Variants in SIRT1 observed in about 807,000 individuals in gnomAD.
SIRT1 encodes sirtuin 1.
In SIRT1, 24 loss-of-function variants were observed where a neutral mutation model predicts 67.9. The ratio of observed to expected loss-of-function variants is 0.35; its 90% CI spans 0.26 to 0.50. SIRT1 has a LOEUF of 0.50. SIRT1 is among the 20% of genes least tolerant of loss of function. The pLI is 0.98. For synonymous variants in SIRT1, 378 were observed against 350.7 expected (o/e 1.08, Z -0.87); for missense variants, 873 against 937.2 (o/e 0.93, Z 0.89).
At chr10:67,909,200 C>G in intron 6 of SIRT1, 56 bp from the exon 7 acceptor site, 2 of 1,211,058 alleles carry the variant, frequency 1.7e-6, no homozygotes, top group South Asian at 3.2e-5. Context: ...TTGACTATTT[C>G]TAACTTGGGC....
chr10:67,911,059 A>G (rs10823112), intron 7 of SIRT1, among the ~76,000 whole-genome samples: 11,489 of 152,256 alleles, frequency 0.075, 715 homozygotes, highest in East Asian at 0.3. Flanking sequence ...GTCTTACCTA[A>G]TTAGCTGTGA....
At chr10:67,897,663 A>G (rs540668344) in intron 4 of SIRT1, among the ~76,000 whole-genome samples, 104 of 151,582 alleles carry the variant, frequency 6.9e-4, no homozygotes, top group Non-Finnish European at 1.3e-3. Flanking sequence ...TGCCTAGCCA[A>G]TTTTTTGAAT....
At chr10:67,895,766 A>G (rs1485313618) in intron 4 of SIRT1, among the ~76,000 whole-genome samples, 13 of 52,342 alleles carry the variant, frequency 2.5e-4, no homozygotes, top group African/African-American at 9.1e-4. Context: ...TTTTTGAGAC[A>G]GTTTTGCTCT....
chr10:67,915,145 C>G (rs1393351091), intron 8 of SIRT1, among the ~76,000 whole-genome samples: 1 of 152,026 alleles, frequency 6.6e-6, no homozygotes, highest in Admixed American at 6.6e-5. Context: ...AGAGTTGTCA[C>G]ACAGGTTGTA....
rs975538254 is a variant in SIRT1 at position 67,898,610 on chromosome 10, T to C, written c.942+7056T>C. Among the ~76,000 whole-genome samples the C allele has an allele frequency of 2.6e-5, 4 of 152,256 alleles. No homozygotes were observed. The East Asian group carries it at 5.8e-4, about 22-fold the overall frequency. ...GAAAATAATGTTTTAATACTCAACA[T>C]GTATATGGATTATATATCTATACGT... On this transcript the variant is annotated intron_variant, in intron 4 of 8. Coordinates refer to ENST00000212015, the MANE Select transcript of SIRT1 (RefSeq NM_012238.5).
At chr10:67,891,591 T>A in intron 4 of SIRT1, 37 bp downstream of exon 4, 1 of 1,604,740 alleles carries the variant, frequency 6.2e-7, no homozygotes, top group Non-Finnish European at 8.5e-7. Flanking sequence ...TTTGGCCTTC[T>A]CTCATGAAAA....
intron 8 of SIRT1, among the ~76,000 whole-genome samples, chr10:67,915,266 G>A (rs191113314): frequency 4.7e-4 from 71 of 152,252 alleles, no homozygotes; most frequent in African/African-American, 1.6e-3. Context: ...TTGAGAATTC[G>A]TCTGGGATAC....
intron 4 of SIRT1, among the ~76,000 whole-genome samples, chr10:67,899,227 G>GATTT (rs1842704946): frequency 6.6e-6 from 1 of 151,650 alleles, no homozygotes; most frequent in African/African-American, 2.4e-5. Context: ...GGATTTAGCT[G>GATTT]ATTTGGCTGA....
chr10:67,909,562 AT>A, intron 7 of SIRT1, 120 bp downstream of exon 7: 1 of 829,212 alleles, frequency 1.2e-6, no homozygotes, highest in Non-Finnish European at 1.7e-6. Flanking sequence ...TGAAGAGCTA[AT>A]TTTAGAAATT....
At chr10:67,914,491 T>A (rs2029868117) in intron 8 of SIRT1, among the ~76,000 whole-genome samples, 1 of 152,110 alleles carries the variant, frequency 6.6e-6, no homozygotes, top group African/African-American at 2.4e-5. Context: ...AGAAAAAGCA[T>A]AGAGGGATGC....
chr10:67,885,925 A>C lies in SIRT1; in HGVS notation c.430+774A>C, dbSNP rs376063798. ...ATGAAGCAGATATGTTGCAGTTGTC[A>C]TGTTCTTGAAGGTTTCTTTTTTTTT... On this transcript the variant is annotated intron_variant, in intron 1 of 8. Transcript: ENST00000212015. 6.1e-4 allele frequency among the ~76,000 whole-genome samples: 89 copies of C among 145,068 alleles called. No homozygotes were observed. The East Asian group carries it at 0.017, about 28-fold the overall frequency.
chr10:67,891,126 A>G (rs1264376839), intron 3 of SIRT1, among the ~76,000 whole-genome samples: 1 of 152,024 alleles, frequency 6.6e-6, no homozygotes, highest in African/African-American at 2.4e-5. Flanking sequence ...CATTTGCTTT[A>G]ATTTGTTGGC....
intron 4 of SIRT1, among the ~76,000 whole-genome samples, chr10:67,904,509 G>A (rs945363957): frequency 2.0e-5 from 3 of 152,108 alleles, no homozygotes; most frequent in Admixed American, 1.3e-4. Context: ...TTGACAGAAA[G>A]TATGAGTCAA....
At position 67,908,069 on chromosome 10, in the gene SIRT1, C is replaced by T; in HGVS notation, c.1114C>T (p.Leu372=). 6.2e-7 allele frequency: 1 copy of T among 1,612,992 alleles called. No homozygotes were observed. Among genetic ancestry groups the T allele is most frequent in the South Asian group, 1.1e-5 (1 of 90,896 alleles). ...CHGSFATASC[L]ICKYKVDCEA... Reference sequence around the variant, plus strand: ...AGGTTCCTTTGCAACAGCATCTTGCCTGATTTGTAAATACAAAGTTGACTG... The same window carrying T: ...AGGTTCCTTTGCAACAGCATCTTGCTTGATTTGTAAATACAAAGTTGACTG... The change falls in exon 6 of 9, where the codon CTG becomes TTG. Residue 372 remains leucine (L), a synonymous_variant. Coordinates refer to ENST00000212015, the MANE Select transcript of SIRT1 (RefSeq NM_012238.5).
chr10:67,901,117 A>T (rs757064976), intron 4 of SIRT1, among the ~76,000 whole-genome samples: 15 of 152,144 alleles, frequency 9.9e-5, no homozygotes, highest in Non-Finnish European at 2.1e-4. Flanking sequence ...CAGAAATTGA[A>T]GACAGTAAAT....
intron 4 of SIRT1, among the ~76,000 whole-genome samples, chr10:67,901,542 T>G (rs147098747): frequency 6.5e-4 from 99 of 152,252 alleles, no homozygotes; most frequent in African/African-American, 2.2e-3. Flanking sequence ...CTGCATAGGG[T>G]CTCTGTCATA....
rs200763786 is a variant in SIRT1 at position 67,916,350 on chromosome 10, C to G, written c.2001C>G (p.Ser667=). 6.2e-7 allele frequency: 1 copy of G among 1,614,174 alleles called. No individual in the cohort carries two copies. The highest frequency in any genetic ancestry group is 1.7e-5 in the Admixed American group (1 of 60,028). ...CAGACTCTGAAGATGACGTCTTATC[C>G]TCTAGTTCTTGTGGCAGTAACAGTG... ...VYSDSEDDVL[S]SSSCGSNSDS... Residue 667 remains serine, a synonymous_variant, in exon 9 of 9, where the codon TCC becomes TCG. Coordinates refer to ENST00000212015, the MANE Select transcript of SIRT1 (RefSeq NM_012238.5).
chr10:67,890,953 C>G (rs1271380650), intron 3 of SIRT1, among the ~76,000 whole-genome samples: 1 of 150,666 alleles, frequency 6.6e-6, no homozygotes. Flanking sequence ...TGGTGTGAAC[C>G]CAGGAGGCGG....
chr10:67,909,881 T>C (rs1050502578), intron 7 of SIRT1, among the ~76,000 whole-genome samples: 12 of 151,968 alleles, frequency 7.9e-5, no homozygotes, highest in African/African-American at 2.7e-4. Flanking sequence ...GGCCAGAAAT[T>C]CTTTATTTTT....
Sources: gnomAD v4.1 joint callset for allele counts (sites outside exome capture counted in the v4.1 genomes callset) on GRCh38, gnomAD v4.1.1 for gene constraint, MANE v1.5 for transcripts, NCBI Gene and HGNC (gene_info 2026-07-23, HGNC 2026-07-21) for gene names.